The following NKAIN2 variants were observed in gnomAD, a reference collection of about 807,000 sequenced individuals.
NKAIN2 encodes the protein sodium/potassium-transporting ATPase subunit beta-1-interacting protein 2.
A neutral mutation model predicts 32.6 loss-of-function variants in NKAIN2; 14 were observed. That is an observed-to-expected ratio of 0.43 (90% CI 0.28 to 0.67). NKAIN2 has a LOEUF of 0.67. Among genes scored for constraint, NKAIN2 ranks in the 30% least tolerant of loss-of-function variants. The pLI, the probability that NKAIN2 is intolerant of heterozygous loss-of-function variation, is 0.17. For missense variants in NKAIN2, 198 were observed against 258.3 expected, an observed-to-expected ratio of 0.77 and a Z score of 1.60; for synonymous variants, 80 against 87.2, an observed-to-expected ratio of 0.92 and a Z score of 0.46.
chr6:124,189,864 T>C (rs2114582568), intron 1 of NKAIN2, among the ~76,000 whole-genome samples: 1 of 152,294 alleles, frequency 6.6e-6, no homozygotes, highest in South Asian at 2.1e-4. Flanking sequence ...AACTCAGACA[T>C]AGAAAAACAG....
chr6:124,695,127 C>G (rs1343927020), intron 4 of NKAIN2, among the ~76,000 whole-genome samples: 1 of 149,004 alleles, frequency 6.7e-6, no homozygotes, highest in Non-Finnish European at 1.5e-5. Context: ...CTTCATTTGT[C>G]TTTAACTAGG....
intron 2 of NKAIN2, among the ~76,000 whole-genome samples, chr6:124,331,379 A>AAAAAAAAAAAAAAAAAAAAAAAAAC (rs1797651235): frequency 7.9e-6 from 1 of 126,740 alleles, no homozygotes; most frequent in African/African-American, 2.8e-5. Flanking sequence ...AAAAAAAAAA[A>AAAAAAAAAAAAAAAAAAAAAAAAAC]CTAGCTGGGC....
At chr6:124,220,700 A>G (rs1791769928) in intron 1 of NKAIN2, among the ~76,000 whole-genome samples, 1 of 151,682 alleles carries the variant, frequency 6.6e-6, no homozygotes, top group African/African-American at 2.4e-5. Flanking sequence ...ATTATATATA[A>G]ATTATACTAA....
At chr6:123,956,077 T>G (rs774300117) in intron 1 of NKAIN2, among the ~76,000 whole-genome samples, 4 of 152,112 alleles carry the variant, frequency 2.6e-5, no homozygotes, top group Non-Finnish European at 4.4e-5. Flanking sequence ...TAAACATCAA[T>G]ATTTAAAAGC....
At chr6:124,771,157 A>G (rs1052721302) in intron 4 of NKAIN2, among the ~76,000 whole-genome samples, 2 of 152,196 alleles carry the variant, frequency 1.3e-5, no homozygotes, top group Non-Finnish European at 2.9e-5. Flanking sequence ...TGCCTAAGAC[A>G]GTTGCTTCAC....
At chr6:124,443,355 A>G (rs1245033387) in intron 3 of NKAIN2, among the ~76,000 whole-genome samples, 2 of 152,152 alleles carry the variant, frequency 1.3e-5, no homozygotes, top group African/African-American at 2.4e-5. Context: ...CCTTCAGACT[A>G]TATTTTGACA....
At chr6:124,398,838 T>C (rs1326612724) in intron 3 of NKAIN2, among the ~76,000 whole-genome samples, 1 of 152,184 alleles carries the variant, frequency 6.6e-6, no homozygotes, top group Non-Finnish European at 1.5e-5. Context: ...ACTAAGTATA[T>C]ACTCCAGAGG....
intron 1 of NKAIN2, among the ~76,000 whole-genome samples, chr6:124,257,846 T>A (rs573459346): frequency 2.0e-5 from 3 of 150,712 alleles, no homozygotes; most frequent in Non-Finnish European, 3.0e-5. Flanking sequence ...TGGCACGATC[T>A]TGGATCACTA....
chr6:124,094,954 A>G (rs1189977086), intron 1 of NKAIN2, among the ~76,000 whole-genome samples: 1 of 152,124 alleles, frequency 6.6e-6, no homozygotes, highest in Non-Finnish European at 1.5e-5. Context: ...TCCACTTACA[A>G]TCCATGTAAC....
At position 123,891,076 on chromosome 6, in the gene NKAIN2, G is replaced by GA. The variant is rs543460303; in HGVS notation, c.54+86829dup. ...TGAACCTTGAATACATTTGCCAAGT[G>GA]AAAAAAATCCAGACACAGAAGGACA... On this transcript the variant is annotated intron_variant, in intron 1 of 6. Transcript: ENST00000368417. Among the ~76,000 whole-genome samples, 115 of 152,118 alleles carry GA rather than the reference G, an allele frequency of 7.6e-4. 1 individual carries two copies. The highest frequency in any genetic ancestry group is 2.7e-3 in the African/African-American group (112 of 41,500).
chr6:123,969,217 A>C (rs887849615), intron 1 of NKAIN2, among the ~76,000 whole-genome samples: 2 of 152,188 alleles, frequency 1.3e-5, no homozygotes, highest in Non-Finnish European at 2.9e-5. Context: ...CTGTATTACA[A>C]AATGGCAAGC....
At chr6:124,767,425 A>C (rs1377199593) in intron 4 of NKAIN2, among the ~76,000 whole-genome samples, 3 of 152,068 alleles carry the variant, frequency 2.0e-5, no homozygotes, top group Admixed American at 6.6e-5. Flanking sequence ...TTTGCCTCCT[A>C]ATCCTGAGGA....
chr6:124,108,033 A>G (rs1023158635), intron 1 of NKAIN2, among the ~76,000 whole-genome samples: 2 of 152,080 alleles, frequency 1.3e-5, no homozygotes, highest in African/African-American at 4.8e-5. Flanking sequence ...ATTCTTTTGG[A>G]TAAATGCCTA....
intron 4 of NKAIN2, among the ~76,000 whole-genome samples, chr6:124,775,719 G>A (rs1335814399): frequency 6.6e-6 from 1 of 152,126 alleles, no homozygotes; most frequent in Non-Finnish European, 1.5e-5. Context: ...CTCTACGTGA[G>A]CAGTGACCCT....
In NKAIN2 at chr6:124,809,753, C is replaced by A. The variant is rs1374842841; in HGVS notation, c.536-8634C>A. Among the ~76,000 whole-genome samples the A allele has an allele frequency of 4.5e-3, 681 of 152,098 alleles. 4 individuals carry two copies. The highest frequency in any genetic ancestry group is 0.016 in the African/African-American group (650 of 41,490). On this transcript the variant is annotated intron_variant, in intron 5 of 6. Coordinates refer to ENST00000368417, the MANE Select transcript of NKAIN2 (RefSeq NM_001040214.3). ...TACTCATCTGACAAAGGGCTAATAT[C>A]CAGAATCTACAATAAACTCAAACAA...
intron 3 of NKAIN2, among the ~76,000 whole-genome samples, chr6:124,575,296 G>A (rs1781288927): frequency 6.6e-6 from 1 of 152,072 alleles, no homozygotes; most frequent in Non-Finnish European, 1.5e-5. Context: ...TATGTACAAT[G>A]TATGTTATTT....
intron 1 of NKAIN2, among the ~76,000 whole-genome samples, chr6:124,147,438 C>T (rs1243845454): frequency 2.6e-5 from 4 of 151,990 alleles, no homozygotes; most frequent in South Asian, 4.1e-4. Flanking sequence ...AAAAAAAAAT[C>T]CACACAGAAT....
intron 1 of NKAIN2, among the ~76,000 whole-genome samples, chr6:124,052,701 C>A (rs1185943182): frequency 6.6e-6 from 1 of 152,030 alleles, no homozygotes; most frequent in Non-Finnish European, 1.5e-5. Flanking sequence ...ATGGCAAATA[C>A]CCTCAGTTAT....
At chr6:123,869,940 A>G (rs934794112) in intron 1 of NKAIN2, among the ~76,000 whole-genome samples, 3 of 152,200 alleles carry the variant, frequency 2.0e-5, no homozygotes, top group Non-Finnish European at 2.9e-5. Flanking sequence ...TCTTTCCTCC[A>G]TGCTGTCTTT....
Sources: allele counts gnomAD v4.1 joint callset (sites outside exome capture counted in the v4.1 genomes callset), GRCh38; gene constraint gnomAD v4.1.1; transcripts MANE v1.5; gene names NCBI Gene and HGNC (gene_info 2026-07-23, HGNC 2026-07-21).